Variants in SLA2 observed in about 807,000 individuals in gnomAD.
SLA2 encodes src-like-adapter 2.
In SLA2, 22 loss-of-function variants were observed where a neutral mutation model predicts 27.3. The observed-to-expected ratio is 0.81, with a 90% CI of 0.58 to 1.15. The LOEUF (loss-of-function observed/expected upper bound fraction) is 1.15. Ranked by LOEUF, SLA2 falls within the 50% of genes most tolerant of loss-of-function variation. The probability of loss-of-function intolerance (pLI) is 0.00; values close to 1 mark genes in which losing one functional copy is unlikely to be tolerated. For synonymous variants in SLA2, 131 were observed against 137.8 expected, an observed-to-expected ratio of 0.95 and a Z score of 0.34; for missense variants, 304 against 322.2, an observed-to-expected ratio of 0.94 and a Z score of 0.43.
chr20:36,630,762 G>A (rs867728232), intron 5 of SLA2, among the ~76,000 whole-genome samples: 1 of 152,202 alleles, frequency 6.6e-6, no homozygotes. Flanking sequence ...GGACTCAGGG[G>A]CAGCAGCTCA....
intron 5 of SLA2, among the ~76,000 whole-genome samples, chr20:36,616,139 T>C (rs975777160): frequency 5.9e-5 from 9 of 152,078 alleles, no homozygotes; most frequent in Non-Finnish European, 1.2e-4. Context: ...AGCAACTGAA[T>C]GATTAACACA....
chr20:36,624,603 CTG>C (rs1176436702), intron 5 of SLA2, among the ~76,000 whole-genome samples: 1 of 152,226 alleles, frequency 6.6e-6, no homozygotes, highest in Non-Finnish European at 1.5e-5. Flanking sequence ...GACTGAGTCT[CTG>C]TGATAAACAC....
At chr20:36,619,921 C>T (rs888233214) in intron 5 of SLA2, among the ~76,000 whole-genome samples, 27 of 150,552 alleles carry the variant, frequency 1.8e-4, no homozygotes, top group Non-Finnish European at 3.5e-4. Flanking sequence ...TGTGAGCCAC[C>T]GTGCCTGGCC....
At position 36,613,649 on chromosome 20, in the gene SLA2, A is replaced by T. The variant is rs1419529115; in HGVS notation, c.*217T>A. 12 of 514,710 alleles carry T rather than the reference A, an allele frequency of 2.3e-5. No homozygotes were observed. The highest frequency in any genetic ancestry group is 4.0e-5 in the Non-Finnish European group (12 of 296,490). 31.9% of individuals were successfully genotyped at this position (514,710 alleles called of 1,614,324 possible). On this transcript the variant is annotated 3_prime_UTR_variant, in exon 8 of 8. Coordinates refer to ENST00000262866, the MANE Select transcript of SLA2 (RefSeq NM_032214.4). Reference sequence around the variant, plus strand: ...CTGGTCCCACCTTCTCTGCACTCGCACTAGAGGTCGCAGGTGGGATCATGG... The same window carrying T: ...CTGGTCCCACCTTCTCTGCACTCGCTCTAGAGGTCGCAGGTGGGATCATGG...
Position 36,613,778 on chromosome 20 carries a change from GCACA to G in SLA2, c.*84_*87del. Reference sequence around the variant, plus strand: ...TGTGTCCCACCCTCCCTCCCTGAGTGCACAGCCTTGCCTCTGGGGTGCCCAGGAG... The same window carrying G: ...TGTGTCCCACCCTCCCTCCCTGAGTGGCCTTGCCTCTGGGGTGCCCAGGAG... On this transcript the variant is annotated 3_prime_UTR_variant, in exon 8 of 8. Coordinates refer to ENST00000262866, the MANE Select transcript of SLA2 (RefSeq NM_032214.4). The G allele has an allele frequency of 2.0e-6, 1 of 498,348 alleles. No homozygotes were observed. Among genetic ancestry groups the G allele is most frequent in the Non-Finnish European group, 3.6e-6 (1 of 276,430 alleles). The allele number at this position is 498,348 out of a possible 1,614,324, so 30.9% of individuals were successfully genotyped here.
intron 5 of SLA2, chr20:36,621,117 T>C: frequency 5.2e-6 from 2 of 384,702 alleles, no homozygotes; most frequent in Non-Finnish European, 1.0e-5. Context: ...GCATCAATGA[T>C]GGTGAGCCTG....
At position 36,626,153 on chromosome 20, in the gene SLA2, C is replaced by T. The variant is rs558329962; in HGVS notation, c.382+6442G>A. ...TCATGCCTGTAATCCCAGTACTTTA[C>T]GATGCCAAGGTGGGTAGATCACAAG... On this transcript the variant is annotated intron_variant, in intron 5 of 7. Transcript: ENST00000262866. Among the ~76,000 whole-genome samples, 175 of 151,564 alleles carry T rather than the reference C, an allele frequency of 1.2e-3. 1 individual carries two copies. In the Middle Eastern group the frequency reaches 0.031, roughly 27 times the overall value.
At chr20:36,625,675 T>C (rs2039329853) in intron 5 of SLA2, among the ~76,000 whole-genome samples, 1 of 150,108 alleles carries the variant, frequency 6.7e-6, no homozygotes, top group Non-Finnish European at 1.5e-5. Flanking sequence ...CTACAAAAAT[T>C]TAAAAGTTAG....
chr20:36,622,638 A>G (rs952009949), intron 5 of SLA2, among the ~76,000 whole-genome samples: 1 of 152,164 alleles, frequency 6.6e-6, no homozygotes, highest in African/African-American at 2.4e-5. Context: ...TGCAGACTCT[A>G]GAGAAGAAAT....
At position 36,612,331 on chromosome 20, in the gene SLA2, G is replaced by A. The variant is rs1250846226; in HGVS notation, c.*1535C>T. ...TAACAGCTATTATTTGCCAAGTGGA[G>A]CTGTCATTTAATTTGATGCACCTCT... On this transcript the variant is annotated 3_prime_UTR_variant, in exon 8 of 8. Transcript: ENST00000262866. 2.9e-6 allele frequency: 3 copies of A among 1,033,484 alleles called. No individual in the cohort carries two copies. The Admixed American group carries it at 5.8e-5, about 20-fold the overall frequency. 64.0% of individuals were successfully genotyped at this position (1,033,484 alleles called of 1,614,324 possible).
intron 5 of SLA2, among the ~76,000 whole-genome samples, chr20:36,623,266 CAAAAAAA>C (rs776399343): frequency 1.4e-3 from 75 of 52,110 alleles, no homozygotes; most frequent in Non-Finnish European, 2.2e-3. Context: ...CATTACATCT[CAAAAAAA>C]AAAAAAAAAA....
intron 3 of SLA2, among the ~76,000 whole-genome samples, 198 bp downstream of exon 3, chr20:36,634,292 T>C (rs1400059223): frequency 1.3e-5 from 2 of 152,108 alleles, no homozygotes; most frequent in East Asian, 1.9e-4. Flanking sequence ...GGCCCATTCA[T>C]TTATTTTAGA....
At chr20:36,634,220 A>C (rs1424423575) in intron 3 of SLA2, among the ~76,000 whole-genome samples, 5 of 152,036 alleles carry the variant, frequency 3.3e-5, no homozygotes, top group African/African-American at 1.2e-4. Flanking sequence ...TCCTGACCTC[A>C]GGTGATCTGC....
rs747003772 is a variant in SLA2, at chr20:36,634,600, G to A, written c.92-11C>T. On this transcript the variant is annotated splice_polypyrimidine_tract_variant and intron_variant, in intron 2 of 7. Coordinates refer to ENST00000262866, the MANE Select transcript of SLA2 (RefSeq NM_032214.4). ...TGGCCTTGCTTCTCTCTAGATGGAG[G>A]GACAGAAATAGTCACCTACTTAGCT... 2 of 1,570,758 alleles carry A rather than the reference G, an allele frequency of 1.3e-6. No individual in the cohort carries two copies. The highest frequency in any genetic ancestry group is 2.3e-5 in the South Asian group (2 of 88,618).
intron 5 of SLA2, among the ~76,000 whole-genome samples, chr20:36,624,285 C>T (rs997249414): frequency 6.6e-6 from 1 of 152,178 alleles, no homozygotes; most frequent in African/African-American, 2.4e-5. Context: ...AGTCCTCTCC[C>T]TGGAAAGGCT....
chr20:36,613,886 C>T lies in SLA2; in HGVS notation c.766G>A (p.Val256Ile). 6.2e-7 allele frequency: 1 copy of T among 1,613,800 alleles called. No homozygotes were observed. The highest frequency in any genetic ancestry group is 8.5e-7 in the Non-Finnish European group (1 of 1,179,828). ...SFYISLNDEAVSLDDA is the reference protein window; with the variant it reads ...SFYISLNDEAISLDDA ...TGGGCCTAGGCATCATCCAAAGAGACAGCCTCGTCATTCAGGCTGATGTAG... is the reference window on the plus strand; with the variant it reads ...TGGGCCTAGGCATCATCCAAAGAGATAGCCTCGTCATTCAGGCTGATGTAG... Residue 256 changes from valine to isoleucine, a missense_variant, in exon 8 of 8, where the codon GTC becomes ATC. Coordinates refer to ENST00000262866, the MANE Select transcript of SLA2 (RefSeq NM_032214.4).
intron 5 of SLA2, among the ~76,000 whole-genome samples, chr20:36,622,491 A>G (rs993210834): frequency 3.9e-5 from 6 of 151,998 alleles, no homozygotes; most frequent in African/African-American, 1.2e-4. Context: ...TTAGTTTCCT[A>G]TTGCTGGTGT....
intron 6 of SLA2, 186 bp from the exon 7 acceptor site, chr20:36,614,623 T>C: frequency 1.0e-6 from 1 of 985,370 alleles, no homozygotes; most frequent in Non-Finnish European, 1.2e-6. Context: ...GGGCTAACTT[T>C]TGGGAGACAG....
intron 2 of SLA2, among the ~76,000 whole-genome samples, chr20:36,638,674 C>A (rs1048840430): frequency 4.6e-5 from 7 of 152,110 alleles, no homozygotes; most frequent in African/African-American, 1.7e-4. Flanking sequence ...ACTTGCACAA[C>A]AGCCATATAA....
Sources: allele counts gnomAD v4.1 joint callset (sites outside exome capture counted in the v4.1 genomes callset), GRCh38; gene constraint gnomAD v4.1.1; transcripts MANE v1.5; gene names NCBI Gene and HGNC (gene_info 2026-07-23, HGNC 2026-07-21).